Variants in REPS1 observed in about 807,000 individuals in gnomAD.
REPS1 encodes ralBP1-associated Eps domain-containing protein 1.
Under a neutral mutation model 100.9 loss-of-function variants are expected in REPS1, and 39 were observed. The observed-to-expected ratio is 0.39, with a 90% CI of 0.30 to 0.50. REPS1 has a LOEUF of 0.50. Among genes scored for constraint, REPS1 ranks in the 20% least tolerant of loss-of-function variants. REPS1 has a pLI of 0.86. For missense variants in REPS1, 821 were observed against 968.5 expected (o/e 0.85, Z 2.02); for synonymous variants, 324 against 340.3 (o/e 0.95, Z 0.53).
intron 1 of REPS1, among the ~76,000 whole-genome samples, chr6:138,973,022 A>G (rs779381589): frequency 1.3e-5 from 2 of 152,216 alleles, no homozygotes; most frequent in Non-Finnish European, 2.9e-5. Context: ...GAACAAAGTG[A>G]TAATAAAGGA....
In REPS1 at chr6:138,911,264, C is replaced by T. The variant is rs1282653389; in HGVS notation, c.2067+12G>A. 4 of 1,528,266 alleles carry T rather than the reference C, an allele frequency of 2.6e-6. No individual in the cohort carries two copies. The highest frequency in any genetic ancestry group is 2.7e-5 in the African/African-American group (2 of 72,940). 94.7% of individuals were successfully genotyped at this position (1,528,266 alleles called of 1,614,324 possible). The stretch of plus-strand genomic sequence containing the variant: ...TGTACAAAATTATTATTATAAAAGA[C>T]ATTTTGCATACCACATTGGCAGGAG... On this transcript the variant is annotated intron_variant, in intron 17 of 19. Transcript: ENST00000450536.
chr6:138,910,214 C>T (rs1402677584), intron 17 of REPS1, among the ~76,000 whole-genome samples: 1 of 152,190 alleles, frequency 6.6e-6, no homozygotes, highest in Admixed American at 6.5e-5. Context: ...CCTGGCATCT[C>T]TCCTTGCTCC....
At chr6:138,924,344 CAAAGG>C (rs1192423233) in intron 10 of REPS1, among the ~76,000 whole-genome samples, 1 of 152,100 alleles carries the variant, frequency 6.6e-6, no homozygotes, top group African/African-American at 2.4e-5. Flanking sequence ...CTAGAGATAA[CAAAGG>C]AAAGTAATGA....
At chr6:138,943,758 A>T (rs1344819011) in intron 6 of REPS1, 95 bp downstream of exon 6, 4 of 1,172,664 alleles carry the variant, frequency 3.4e-6, no homozygotes, top group Non-Finnish European at 4.7e-6. Context: ...TTATTTTATA[A>T]TTAAAATCTA....
intron 10 of REPS1, among the ~76,000 whole-genome samples, chr6:138,926,019 T>C (rs1781094508): frequency 6.6e-6 from 1 of 152,178 alleles, no homozygotes; most frequent in African/African-American, 2.4e-5. Context: ...CATAAATAGT[T>C]ACATATGTAG....
In REPS1 at chr6:138,903,881, T is replaced by C. The variant is rs907080702; in HGVS notation, c.*1183A>G. ...TTCCCTTGTTCTTCAAATTCTTGTT[T>C]ACAGTAACAAAGTCTATCGGTGCAG... On this transcript the variant is annotated 3_prime_UTR_variant, in exon 20 of 20. Coordinates refer to ENST00000450536, the MANE Select transcript of REPS1 (RefSeq NM_001286611.2). 1 of 152,214 alleles carries C rather than the reference T, an allele frequency of 6.6e-6. No individual in the cohort carries two copies. Among genetic ancestry groups the C allele is most frequent in the Non-Finnish European group, 1.5e-5 (1 of 68,026 alleles). The allele number at this position is 152,214 out of a possible 1,614,324, so 9.4% of individuals were successfully genotyped here.
chr6:138,947,524 AAATT>A (rs1199912620), intron 2 of REPS1, among the ~76,000 whole-genome samples: 1 of 152,230 alleles, frequency 6.6e-6, no homozygotes, highest in African/African-American at 2.4e-5. Flanking sequence ...AACTTTTGGT[AAATT>A]AATTCTTAAA....
At chr6:138,954,897 T>C (rs1243837086) in intron 1 of REPS1, among the ~76,000 whole-genome samples, 4 of 152,164 alleles carry the variant, frequency 2.6e-5, no homozygotes, top group Non-Finnish European at 4.4e-5. Context: ...TACATACATC[T>C]TACACAGGTA....
chr6:138,909,521 C>T lies in REPS1; in HGVS notation c.2068-705G>A, dbSNP rs367914192. Among the ~76,000 whole-genome samples the T allele has an allele frequency of 5.9e-5, 9 of 152,232 alleles. No individual in the cohort carries two copies. The South Asian group carries it at 1.7e-3, about 28-fold the overall frequency. The stretch of plus-strand genomic sequence containing the variant: ...TCACAGGACTACTAATGTAATAAAA[C>T]ATAGTGATATGGTTTGGCTCGGTGT... On this transcript the variant is annotated intron_variant, in intron 17 of 19. Transcript: ENST00000450536.
chr6:138,936,951 C>G (rs1208752352), intron 8 of REPS1, among the ~76,000 whole-genome samples: 1 of 152,076 alleles, frequency 6.6e-6, no homozygotes, highest in Non-Finnish European at 1.5e-5. Context: ...ACATTGCTGA[C>G]AAAGACATAC....
chr6:138,929,894 A>G (rs1295024058), intron 9 of REPS1, 83 bp downstream of exon 9: 2 of 1,355,732 alleles, frequency 1.5e-6, no homozygotes, highest in African/African-American at 2.9e-5. Flanking sequence ...ATGCTGGAAG[A>G]GACAGACTGA....
chr6:138,967,386 G>A (rs2128497686), intron 1 of REPS1, among the ~76,000 whole-genome samples: 1 of 152,230 alleles, frequency 6.6e-6, no homozygotes, highest in African/African-American at 2.4e-5. Context: ...AATAACACAG[G>A]TGGTTATTTA....
chr6:138,926,451 T>C lies in REPS1; in HGVS notation c.1288A>G (p.Ser430Gly), dbSNP rs1457148121. The C allele has an allele frequency of 1.9e-6, 3 of 1,613,022 alleles. No homozygotes were observed. The highest frequency in any genetic ancestry group is 1.6e-4 in the Middle Eastern group (1 of 6,062). Reference sequence around the variant, plus strand: ...TCAAATTGGGTCAGAGTTTGTGAGCTTGAAGAGCGTTCACTAAATGTCTCC... The same window carrying C: ...TCAAATTGGGTCAGAGTTTGTGAGCCTGAAGAGCGTTCACTAAATGTCTCC... ...QWETFSERSS[S>G]SQTLTQFDSN... The change falls in exon 10 of 20, where the codon AGC becomes GGC. Residue 430 changes from serine to glycine, a missense_variant. Ser to Gly is a moderately conservative substitution (Grantham distance 56, BLOSUM62 0). Around this residue, in one of 3 missense-constraint regions of REPS1, gnomAD observed 757 missense variants for 866.4 expected, o/e 0.87. Transcript: ENST00000450536.
At chr6:138,981,647 G>C (rs1012420300) in intron 1 of REPS1, among the ~76,000 whole-genome samples, 1 of 152,094 alleles carries the variant, frequency 6.6e-6, no homozygotes, top group East Asian at 1.9e-4. Flanking sequence ...CTTTTAAAGG[G>C]GTGTGGCTGG....
chr6:138,916,103 T>C (rs926828752), intron 13 of REPS1, 127 bp from the exon 14 acceptor site: 44 of 742,572 alleles, frequency 5.9e-5, no homozygotes, highest in Non-Finnish European at 9.0e-5. Context: ...CACTCAAGTA[T>C]GTAAGTGTTA....
In REPS1 at chr6:138,941,323, T is replaced by C; in HGVS notation, c.1135+12A>G. The C allele has an allele frequency of 6.2e-7, 1 of 1,613,638 alleles. No homozygotes were observed. The highest frequency in any genetic ancestry group is 8.5e-7 in the Non-Finnish European group (1 of 1,179,776). On this transcript the variant is annotated intron_variant, in intron 8 of 19. Transcript: ENST00000450536. The stretch of plus-strand genomic sequence containing the variant: ...AGGCATGCAAACAGCTCTCTTCAGC[T>C]CCCAATCTTACCTGCTGAATCTTCC...
chr6:138,966,342 AC>A (rs1202924939), intron 1 of REPS1, among the ~76,000 whole-genome samples: 1 of 152,174 alleles, frequency 6.6e-6, no homozygotes, highest in South Asian at 2.1e-4. Context: ...ATAAAGAGAA[AC>A]CCATTCCACT....
chr6:138,917,528 A>G (rs376928192), intron 13 of REPS1, 27 bp downstream of exon 13: 2 of 1,547,162 alleles, frequency 1.3e-6, no homozygotes, highest in African/African-American at 2.7e-5. Flanking sequence ...ATAGTTTAAC[A>G]TGCTTTTCAT....
At chr6:138,926,749 T>G in intron 9 of REPS1, 1 of 309,794 alleles carries the variant, frequency 3.2e-6, no homozygotes, top group South Asian at 4.8e-5. Context: ...AGAGTTAAAA[T>G]AAAACACAAT....
Sources: allele counts gnomAD v4.1 joint callset (sites outside exome capture counted in the v4.1 genomes callset), GRCh38; gene constraint gnomAD v4.1.1; regional missense constraint gnomAD v4.1.1; transcripts MANE v1.5; gene names NCBI Gene and HGNC (gene_info 2026-07-23, HGNC 2026-07-21).